NCAPG2: variants seen among roughly 807,000 people sequenced by gnomAD.
The protein encoded by NCAPG2 is condensin-2 complex subunit G2.
In NCAPG2, 53 loss-of-function variants were observed where a neutral mutation model predicts 141.1. The observed-to-expected ratio is 0.38, with a 90% confidence interval of 0.30 to 0.47. The LOEUF is 0.47. Ranked by LOEUF, NCAPG2 falls within the 20% of genes least tolerant of loss-of-function variation. NCAPG2 has a pLI of 0.99. For missense variants in NCAPG2, 1,087 were observed against 1,389.0 expected (o/e 0.78, Z 3.46); for synonymous variants, 499 against 490.7 (o/e 1.02, Z -0.22).
chr7:158,675,972 C>T (rs1222092393), intron 11 of NCAPG2, among the ~76,000 whole-genome samples: 10 of 152,138 alleles, frequency 6.6e-5, no homozygotes, highest in Non-Finnish European at 1.3e-4. Flanking sequence ...GCATGGCCCA[C>T]GTACACCACG....
At chr7:158,639,968 G>T in intron 27 of NCAPG2, 2 of 454,920 alleles carry the variant, frequency 4.4e-6, no homozygotes, top group Non-Finnish European at 5.7e-6. Context: ...TTTCAGAAGA[G>T]AGAAAGGAAC....
intron 14 of NCAPG2, 45 bp downstream of exon 14, chr7:158,664,483 T>C (rs768222850): frequency 6.3e-5 from 100 of 1,586,080 alleles, no homozygotes; most frequent in Non-Finnish European, 8.6e-5. Context: ...ATTATGCTTT[T>C]GGGGGAAAAC....
At chr7:158,670,216 T>C (rs1442173224) in intron 13 of NCAPG2, among the ~76,000 whole-genome samples, 1 of 152,176 alleles carries the variant, frequency 6.6e-6, no homozygotes, top group African/African-American at 2.4e-5. Flanking sequence ...TATAAAAAAA[T>C]TCACAGATCA....
At chr7:158,644,827 C>A (rs1255929766) in intron 26 of NCAPG2, among the ~76,000 whole-genome samples, 1 of 152,162 alleles carries the variant, frequency 6.6e-6, no homozygotes, top group East Asian at 1.9e-4. Flanking sequence ...CTGGGTCAAA[C>A]CAGTTAAGGA....
chr7:158,668,476 T>A (rs1056311983), intron 13 of NCAPG2: 3 of 926,974 alleles, frequency 3.2e-6, no homozygotes, highest in East Asian at 2.3e-4. Flanking sequence ...TAAGTGCTTA[T>A]CTTTTAGAGA....
intron 6 of NCAPG2, among the ~76,000 whole-genome samples, chr7:158,689,242 C>T (rs932876637): frequency 6.6e-6 from 1 of 151,970 alleles, no homozygotes; most frequent in Non-Finnish European, 1.5e-5. Context: ...AAGTATAGAA[C>T]AAAAATTATT....
At chr7:158,644,526 G>A (rs1010296658) in intron 26 of NCAPG2, 138 bp from the exon 27 acceptor site, 45 of 671,972 alleles carry the variant, frequency 6.7e-5, no homozygotes, top group African/African-American at 6.5e-4. Flanking sequence ...ATACTGACCC[G>A]CGGAATAGTA....
intron 11 of NCAPG2, among the ~76,000 whole-genome samples, chr7:158,677,097 C>G (rs1834099348): frequency 1.3e-5 from 2 of 152,042 alleles, no homozygotes; most frequent in Admixed American, 1.3e-4. Context: ...AGCAGGAGTT[C>G]AGGGGCAAGG....
chr7:158,656,451 G>T lies in NCAPG2; in HGVS notation c.2215-18C>A, dbSNP rs560741171. The T allele has an allele frequency of 1.2e-6, 2 of 1,611,504 alleles. No individual in the cohort carries two copies. The highest frequency in any genetic ancestry group is 1.7e-6 in the Non-Finnish European group (2 of 1,178,790). On this transcript the variant is annotated intron_variant, in intron 18 of 27. Transcript: ENST00000356309. Reference sequence around the variant, plus strand: ...GTGTTGCTCTGAAAGAAGAGAGAGAGAAACTGATAATGAAAACACACGTCC... The same window carrying T: ...GTGTTGCTCTGAAAGAAGAGAGAGATAAACTGATAATGAAAACACACGTCC...
intron 23 of NCAPG2, among the ~76,000 whole-genome samples, chr7:158,651,482 A>G (rs936984983): frequency 4.6e-5 from 7 of 152,232 alleles, no homozygotes; most frequent in Non-Finnish European, 7.3e-5. Context: ...GACCTCTATC[A>G]GCAAAGGACA....
At chr7:158,672,461 G>A (rs907886598) in intron 12 of NCAPG2, among the ~76,000 whole-genome samples, 1 of 140,434 alleles carries the variant, frequency 7.1e-6, no homozygotes, top group African/African-American at 2.7e-5. Context: ...TCCTGCCTCA[G>A]CCCCCCAAGT....
chr7:158,652,433 T>C lies in NCAPG2; in HGVS notation c.2794A>G (p.Ile932Val), dbSNP rs1831558060. The change falls in exon 23 of 28, where the codon ATA becomes GTA. Residue 932 changes from isoleucine to valine, a missense_variant. By Grantham distance (29) the Ile-to-Val change is conservative. Transcript: ENST00000356309. Reference sequence around the variant, plus strand: ...TTCTGAATCAAGGAACTTCCAGTTATCTCTTTCAGAATGTCAAGAAGTAAT... The same window carrying C: ...TTCTGAATCAAGGAACTTCCAGTTACCTCTTTCAGAATGTCAAGAAGTAAT... ...VSLLLDILKE[I>V]TGSSLIQKTD... The C allele has an allele frequency of 1.2e-6, 2 of 1,613,208 alleles. No individual in the cohort carries two copies. Among genetic ancestry groups the C allele is most frequent in the Admixed American group, 1.7e-5 (1 of 59,830 alleles).
At position 158,693,405 on chromosome 7, in the gene NCAPG2, T is replaced by C; in HGVS notation, c.171A>G (p.Leu57=). ...GGCTTTCTAACAACACATCTGTCAA[T>C]AAATTCTTCAGCCTTTGCCATAATT... is the stretch of plus-strand genomic sequence containing the variant. ...KEELWQRLKN[L]LTDVLLESPV... is the part of the protein sequence containing the mutation. The change falls in exon 3 of 28, where the codon TTA becomes TTG. Residue 57 remains leucine (L), a synonymous_variant. Transcript: ENST00000356309. 1 of 1,614,086 alleles carries C rather than the reference T, an allele frequency of 6.2e-7. No homozygotes were observed. The highest frequency in any genetic ancestry group is 8.5e-7 in the Non-Finnish European group (1 of 1,179,914).
At chr7:158,637,447 G>GC (rs1000721204) in intron 27 of NCAPG2, among the ~76,000 whole-genome samples, 6 of 6,360 alleles carry the variant, frequency 9.4e-4, no homozygotes, top group Non-Finnish European at 9.0e-4. Flanking sequence ...TTTCCGTAAG[G>GC]CCCCCCTTTC....
intron 25 of NCAPG2, 145 bp from the exon 26 acceptor site, chr7:158,645,764 T>C: frequency 1.5e-6 from 1 of 675,930 alleles, no homozygotes; most frequent in South Asian, 1.8e-5. Context: ...CCCCATGCTT[T>C]TCATGGAGAG....
At chr7:158,639,794 A>C (rs376207089) in intron 27 of NCAPG2, 2 of 949,906 alleles carry the variant, frequency 2.1e-6, no homozygotes, top group African/African-American at 3.5e-5. Flanking sequence ...AAAACACTAC[A>C]AAACAAAACA....
chr7:158,637,642 G>C (rs973577417), intron 27 of NCAPG2, among the ~76,000 whole-genome samples: 1 of 8,758 alleles, frequency 1.1e-4, no homozygotes, highest in African/African-American at 4.3e-4. Flanking sequence ...ACCCACCCAG[G>C]TGAGTGGACG....
chr7:158,649,352 T>C (rs939894124), intron 24 of NCAPG2, among the ~76,000 whole-genome samples: 1 of 152,182 alleles, frequency 6.6e-6, no homozygotes, highest in African/African-American at 2.4e-5. Context: ...TTAAATAGTA[T>C]AGTAAATATT....
intron 13 of NCAPG2, among the ~76,000 whole-genome samples, chr7:158,669,575 CAACATGGTGAAACCCCATCTCTACT>C (rs1232191074): frequency 2.0e-5 from 3 of 151,460 alleles, no homozygotes; most frequent in Non-Finnish European, 4.4e-5. Flanking sequence ...CCAGCCTGGC[CAACATGGTGAAACCCCATCTCTACT>C]AAAATTTAAA....
Sources: gnomAD v4.1 joint callset for allele counts (sites outside exome capture counted in the v4.1 genomes callset) on GRCh38, gnomAD v4.1.1 for gene constraint, MANE v1.5 for transcripts, NCBI Gene and HGNC (gene_info 2026-07-23, HGNC 2026-07-21) for gene names.